The following GPR39 variants were observed in gnomAD, a reference collection of about 807,000 sequenced individuals.
GPR39 encodes the protein zinc sensing receptor.
A neutral mutation model predicts 18.4 loss-of-function variants in GPR39; 23 were observed. The ratio of observed to expected loss-of-function variants is 1.25; its 90% CI spans 0.90 to 1.77. The LOEUF (loss-of-function observed/expected upper bound fraction) is 1.77. GPR39 is among the 40% of genes most tolerant of loss of function. GPR39 has a pLI of 0.00. For missense variants in GPR39, 647 were observed against 602.4 expected, an observed-to-expected ratio of 1.07 and a Z score of -0.78; for synonymous variants, 280 against 257.9, an observed-to-expected ratio of 1.09 and a Z score of -0.82.
At chr2:132,607,676 C>T (rs1681163349) in intron 1 of GPR39, among the ~76,000 whole-genome samples, 1 of 152,212 alleles carries the variant, frequency 6.6e-6, no homozygotes, top group Non-Finnish European at 1.5e-5. Context: ...AGTGCTGGTC[C>T]TGTTGACTTA....
At chr2:132,598,489 G>T (rs1290014633) in intron 1 of GPR39, among the ~76,000 whole-genome samples, 27 of 121,064 alleles carry the variant, frequency 2.2e-4, no homozygotes, top group South Asian at 2.7e-4. Flanking sequence ...GTTGTTTAAG[G>T]CTCCCAATTC....
At chr2:132,603,592 A>G (rs1040131912) in intron 1 of GPR39, among the ~76,000 whole-genome samples, 3 of 152,066 alleles carry the variant, frequency 2.0e-5, no homozygotes, top group Non-Finnish European at 2.9e-5. Flanking sequence ...TGATTTGATC[A>G]TTACATACTA....
At chr2:132,574,850 T>G (rs916186546) in intron 1 of GPR39, among the ~76,000 whole-genome samples, 2 of 152,232 alleles carry the variant, frequency 1.3e-5, no homozygotes, top group Non-Finnish European at 2.9e-5. Flanking sequence ...TATTAATGTA[T>G]TTTTTGAATA....
intron 1 of GPR39, among the ~76,000 whole-genome samples, chr2:132,611,011 ATCTCCTGGGAGGCTGAGAAATGTGG>A (rs1558858202): frequency 6.6e-6 from 1 of 152,076 alleles, no homozygotes; most frequent in Non-Finnish European, 1.5e-5. Context: ...GCCACACTCA[ATCTCCTGGGAGGCTGAGAAATGTGG>A]TCTCCCTATG....
intron 1 of GPR39, among the ~76,000 whole-genome samples, chr2:132,443,958 C>G (rs1290271935): frequency 6.6e-6 from 1 of 152,090 alleles, no homozygotes; most frequent in Admixed American, 6.6e-5. Context: ...ACCTGTAGTC[C>G]TAGCTACTTG....
intron 1 of GPR39, among the ~76,000 whole-genome samples, chr2:132,615,690 G>T (rs1472787716): frequency 1.3e-5 from 2 of 152,190 alleles, no homozygotes; most frequent in Non-Finnish European, 2.9e-5. Context: ...GGGATTAGTT[G>T]CTTGCTTACT....
intron 1 of GPR39, among the ~76,000 whole-genome samples, chr2:132,602,794 A>G (rs570012067): frequency 7.2e-5 from 11 of 151,926 alleles, no homozygotes; most frequent in Admixed American, 2.0e-4. Flanking sequence ...AAAATTCAAC[A>G]TCACTAATCA....
intron 1 of GPR39, among the ~76,000 whole-genome samples, chr2:132,607,781 A>T (rs1267569589): frequency 6.6e-6 from 1 of 152,192 alleles, no homozygotes; most frequent in Non-Finnish European, 1.5e-5. Context: ...CTCTTTCAAT[A>T]TGGCACGTAT....
At chr2:132,469,636 G>A (rs1432181124) in intron 1 of GPR39, among the ~76,000 whole-genome samples, 2 of 152,154 alleles carry the variant, frequency 1.3e-5, no homozygotes, top group Non-Finnish European at 2.9e-5. Context: ...ACTAATGGGA[G>A]TGATTTTTCT....
intron 1 of GPR39, among the ~76,000 whole-genome samples, chr2:132,549,784 C>G (rs1680011102): frequency 6.6e-6 from 1 of 151,368 alleles, no homozygotes; most frequent in Non-Finnish European, 1.5e-5. Context: ...ACGACTCCGT[C>G]TCAAAAAAAA....
At chr2:132,636,395 C>T (rs1159726048) in intron 1 of GPR39, among the ~76,000 whole-genome samples, 1 of 152,086 alleles carries the variant, frequency 6.6e-6, no homozygotes, top group Admixed American at 6.5e-5. Context: ...GGTCTGGGAG[C>T]CCACTCAGGG....
In GPR39 at chr2:132,630,162, G is replaced by A. The variant is rs578011404; in HGVS notation, c.857-14939G>A. 3.9e-5 allele frequency among the ~76,000 whole-genome samples: 6 copies of A among 152,270 alleles called. No individual in the cohort carries two copies. The South Asian group carries it at 1.2e-3, about 32-fold the overall frequency. The stretch of plus-strand genomic sequence containing the variant: ...CCTCGAACCCCATGGAGCTCACATG[G>A]CGGTGCAAAGACTGACATCCAAGAC... On this transcript the variant is annotated intron_variant, in intron 1 of 1. Transcript: ENST00000329321.
At chr2:132,640,192 A>G (rs1681835210) in intron 1 of GPR39, among the ~76,000 whole-genome samples, 1 of 152,224 alleles carries the variant, frequency 6.6e-6, no homozygotes, top group African/African-American at 2.4e-5. Flanking sequence ...GCATGGTGTC[A>G]GATACATCAA....
rs139369948 is a variant in GPR39, at chr2:132,440,210, T to G, written c.856+22312T>G. Among the ~76,000 whole-genome samples, 507 of 152,302 alleles carry G rather than the reference T, an allele frequency of 3.3e-3. 2 individuals carry two copies. The highest frequency in any genetic ancestry group is 0.012 in the African/African-American group (479 of 41,572). On this transcript the variant is annotated intron_variant, in intron 1 of 1. Transcript: ENST00000329321. ...GTCCTTTTCTTGCTAGTGCCCCTAC[T>G]GATAGAAATGTTGAACAAAGGGCCA... is the stretch of plus-strand genomic sequence containing the variant.
intron 1 of GPR39, among the ~76,000 whole-genome samples, chr2:132,506,523 A>C (rs1025005201): frequency 2.0e-5 from 3 of 152,178 alleles, no homozygotes; most frequent in African/African-American, 7.2e-5. Flanking sequence ...ATTGATAAAG[A>C]AAAGAGGTTT....
intron 1 of GPR39, among the ~76,000 whole-genome samples, chr2:132,562,325 T>C (rs1680269614): frequency 6.6e-6 from 1 of 152,210 alleles, no homozygotes; most frequent in African/African-American, 2.4e-5. Flanking sequence ...TCAATGACTT[T>C]CCATCATATT....
chr2:132,453,227 A>C (rs952860659), intron 1 of GPR39, among the ~76,000 whole-genome samples: 1 of 152,142 alleles, frequency 6.6e-6, no homozygotes, highest in African/African-American at 2.4e-5. Flanking sequence ...TTCTCTGATG[A>C]CCAGTGATGA....
At chr2:132,584,999 G>T (rs1680699388) in intron 1 of GPR39, among the ~76,000 whole-genome samples, 1 of 152,202 alleles carries the variant, frequency 6.6e-6, no homozygotes, top group African/African-American at 2.4e-5. Context: ...CCCACCATCA[G>T]GGCTGTGTGG....
At chr2:132,533,356 A>G (rs2104777907) in intron 1 of GPR39, among the ~76,000 whole-genome samples, 1 of 151,278 alleles carries the variant, frequency 6.6e-6, no homozygotes, top group Non-Finnish European at 1.5e-5. Flanking sequence ...GGATACAAAC[A>G]AATGGAAGAA....
Sources: gnomAD v4.1 joint callset for allele counts (sites outside exome capture counted in the v4.1 genomes callset) on GRCh38, gnomAD v4.1.1 for gene constraint, MANE v1.5 for transcripts, NCBI Gene and HGNC (gene_info 2026-07-23, HGNC 2026-07-21) for gene names.